Variants in STON2 observed in about 807,000 individuals in gnomAD.
STON2 encodes stonin 2, also known as stonin-2.
In STON2, 29 loss-of-function variants were observed where a neutral mutation model predicts 65.7. The ratio of observed to expected loss-of-function variants is 0.44; its 90% CI spans 0.33 to 0.60. The LOEUF is 0.60. STON2 is among the 20% of genes least tolerant of loss of function. The probability of loss-of-function intolerance (pLI) is 0.03; values close to 1 mark genes in which losing one functional copy is unlikely to be tolerated. For missense variants in STON2, 1,054 were observed against 1,118.1 expected (o/e 0.94, Z 0.82); for synonymous variants, 404 against 414.2 (o/e 0.98, Z 0.30).
At chr14:81,413,482 CA>C (rs1901270164) in intron 2 of STON2, among the ~76,000 whole-genome samples, 1 of 140,314 alleles carries the variant, frequency 7.1e-6, no homozygotes, top group Non-Finnish European at 1.5e-5. Context: ...TGTTTTCTCT[CA>C]AAATCCATTC....
rs1901624884 is a variant in STON2, at chr14:81,419,970, T to C, written c.-199+7132A>G. ...CCTCAAAACCTTCCACTGGAGGGGC[T>C]GGTGCTTGGACAGGATATGTACCTG... is the stretch of plus-strand genomic sequence containing the variant. On this transcript the variant is annotated intron_variant, in intron 2 of 8. Transcript: ENST00000553821. Among the ~76,000 whole-genome samples the C allele has an allele frequency of 2.6e-5, 4 of 152,194 alleles. No individual in the cohort carries two copies. The South Asian group carries it at 8.3e-4, about 31-fold the overall frequency.
chr14:81,415,896 T>C (rs555421934), intron 2 of STON2, among the ~76,000 whole-genome samples: 73 of 152,332 alleles, frequency 4.8e-4, no homozygotes, highest in African/African-American at 1.7e-3. Flanking sequence ...GCAAGGAACA[T>C]AGGTCTCTCT....
At chr14:81,320,042 A>T (rs1228811955) in intron 5 of STON2, among the ~76,000 whole-genome samples, 2 of 152,154 alleles carry the variant, frequency 1.3e-5, no homozygotes, top group African/African-American at 4.8e-5. Context: ...GATTTGTCCG[A>T]TCTCTGCTAG....
At chr14:81,271,221 G>C (rs779468046) in intron 6 of STON2, among the ~76,000 whole-genome samples, 1 of 152,128 alleles carries the variant, frequency 6.6e-6, no homozygotes, top group Non-Finnish European at 1.5e-5. Context: ...GGAATGGAAG[G>C]GATCAGCACT....
chr14:81,413,719 C>T (rs971519812), intron 2 of STON2, among the ~76,000 whole-genome samples: 1 of 138,898 alleles, frequency 7.2e-6, no homozygotes, highest in Non-Finnish European at 1.5e-5. Context: ...CTGCTTGAAC[C>T]CGGGAGGTGG....
At chr14:81,368,178 T>C (rs9635271) in intron 4 of STON2, among the ~76,000 whole-genome samples, 75,999 of 151,806 alleles carry the variant, frequency 0.5, 19,493 homozygotes, top group East Asian at 0.73. Context: ...TAAATAACTA[T>C]GGTGACTGTT....
rs903386098 is a variant in STON2, at chr14:81,278,541, G to C, written c.941C>G (p.Pro314Arg). The change falls in exon 6 of 8, where the codon CCA becomes CGA. Residue 314 changes from proline to arginine, a missense_variant. Transcript: ENST00000614646. Reference sequence around the variant, plus strand: ...TACATCTGGGATCACAGATGCACTTGGTGGTGTATTTGGCTTCAGAGGAGA... The same window carrying C: ...TACATCTGGGATCACAGATGCACTTCGTGGTGTATTTGGCTTCAGAGGAGA... ...VTSPLKPNTP[P>R]SASVIPDVPY... is the part of the protein sequence containing the mutation. 6.2e-7 allele frequency: 1 copy of C among 1,613,244 alleles called. No homozygotes were observed. The highest frequency in any genetic ancestry group is 8.5e-7 in the Non-Finnish European group (1 of 1,179,540).
chr14:81,330,448 T>C (rs1897170666), intron 4 of STON2, among the ~76,000 whole-genome samples: 1 of 151,940 alleles, frequency 6.6e-6, no homozygotes, highest in African/African-American at 2.4e-5. Context: ...TTTTTTTTTC[T>C]TAAAATGTTA....
At chr14:81,307,308 C>T (rs1323975812) in intron 5 of STON2, among the ~76,000 whole-genome samples, 1 of 152,194 alleles carries the variant, frequency 6.6e-6, no homozygotes, top group Non-Finnish European at 1.5e-5. Flanking sequence ...TTGTCTTCAG[C>T]ATGAACTAAG....
In STON2 at chr14:81,266,895, T is replaced by C; in HGVS notation, c.*1519A>G. On this transcript the variant is annotated 3_prime_UTR_variant, in exon 8 of 8. Transcript: ENST00000614646. ...GGTTGCATTTTAAAAACCCAGAATA[T>C]AGGGTTTCTCATTAATGCCTATTCA... 1.0e-6 allele frequency: 1 copy of C among 979,148 alleles called. No homozygotes were observed. Among genetic ancestry groups the C allele is most frequent in the African/African-American group, 1.7e-5 (1 of 57,222 alleles). The allele number at this position is 979,148 out of a possible 1,614,324, so 60.7% of individuals were successfully genotyped here.
chr14:81,285,861 G>T (rs1268000133), intron 5 of STON2, among the ~76,000 whole-genome samples: 2 of 152,114 alleles, frequency 1.3e-5, no homozygotes, highest in Non-Finnish European at 2.9e-5. Context: ...TAAAATAAAA[G>T]TTGAGGCCGG....
At position 81,284,489 on chromosome 14, in the gene STON2, G is replaced by A. The variant is rs562928206; in HGVS notation, c.743-5750C>T. ...TTCTATGAAAGTGGAAAGAGGTGAG[G>A]AAATTGCAGAAAAAATAAATAAATA... On this transcript the variant is annotated intron_variant, in intron 5 of 7. Coordinates refer to ENST00000614646, the MANE Select transcript of STON2 (RefSeq NM_001394390.1). Among the ~76,000 whole-genome samples the A allele has an allele frequency of 2.6e-5, 4 of 152,290 alleles. No homozygotes were observed. The South Asian group carries it at 8.3e-4, about 32-fold the overall frequency.
chr14:81,280,875 G>A (rs1420096867), intron 5 of STON2, among the ~76,000 whole-genome samples: 3 of 152,034 alleles, frequency 2.0e-5, no homozygotes, highest in Non-Finnish European at 4.4e-5. Flanking sequence ...GCTGGGCGTG[G>A]TGGCACAAGC....
upstream of STON2, among the ~76,000 whole-genome samples, chr14:81,401,367 C>A (rs1308151401): frequency 6.6e-6 from 1 of 152,166 alleles, no homozygotes; most frequent in Non-Finnish European, 1.5e-5. Context: ...TGGTGACAGA[C>A]AATGAGTGGT....
intron 4 of STON2, among the ~76,000 whole-genome samples, chr14:81,345,621 C>G (rs768250046): frequency 2.0e-5 from 3 of 152,088 alleles, no homozygotes; most frequent in Non-Finnish European, 4.4e-5. Flanking sequence ...ATTAGCCGAG[C>G]ATGGTGGCAC....
At chr14:81,275,881 T>C (rs1383252941) in intron 6 of STON2, among the ~76,000 whole-genome samples, 2 of 152,172 alleles carry the variant, frequency 1.3e-5, no homozygotes, top group Non-Finnish European at 2.9e-5. Context: ...CTTAACACAC[T>C]GCTACGATTT....
intron 2 of STON2, among the ~76,000 whole-genome samples, chr14:81,426,268 A>G (rs1249188068): frequency 6.6e-6 from 1 of 152,216 alleles, no homozygotes; most frequent in Non-Finnish European, 1.5e-5. Flanking sequence ...CTCAAATGAT[A>G]AAACCACCCA....
intron 5 of STON2, among the ~76,000 whole-genome samples, chr14:81,320,002 T>G (rs1896764919): frequency 6.6e-6 from 1 of 152,206 alleles, no homozygotes; most frequent in African/African-American, 2.4e-5. Flanking sequence ...TAAGCATTTA[T>G]TATTGCTTAT....
intron 3 of STON2, among the ~76,000 whole-genome samples, chr14:81,385,579 T>C (rs1899760101): frequency 6.6e-6 from 1 of 152,190 alleles, no homozygotes; most frequent in Admixed American, 6.5e-5. Flanking sequence ...TCCTTGCCTA[T>C]CTTGTTTAAA....
Sources: gnomAD v4.1 joint callset for allele counts (sites outside exome capture counted in the v4.1 genomes callset) on GRCh38, gnomAD v4.1.1 for gene constraint, MANE v1.5 for transcripts, NCBI Gene and HGNC (gene_info 2026-07-23, HGNC 2026-07-21) for gene names.